Variants in SLC44A5 observed in about 807,000 individuals in gnomAD.
The protein encoded by SLC44A5 is solute carrier family 44 member 5.
Under a neutral mutation model 101.8 loss-of-function variants are expected in SLC44A5, and 57 were observed. The observed-to-expected ratio is 0.56, with a 90% confidence interval of 0.45 to 0.70. SLC44A5 has a LOEUF of 0.70. Among genes scored for constraint, SLC44A5 ranks in the 30% least tolerant of loss-of-function variants. The pLI is 0.00. For missense variants in SLC44A5, 737 were observed against 853.1 expected (o/e 0.86, Z 1.70); for synonymous variants, 281 against 290.9 (o/e 0.97, Z 0.35).
At chr1:75,641,780 T>G in the SLC44A5 span, 7 of 1,567,816 alleles carry the variant, frequency 4.5e-6, no homozygotes, top group Non-Finnish European at 6.1e-6. Flanking sequence ...TGGAAATCCT[T>G]TAGAGTGCAA....
chr1:75,696,729 A>C, the SLC44A5 span, among the ~76,000 whole-genome samples: 1 of 145,062 alleles, frequency 6.9e-6, no homozygotes, highest in Non-Finnish European at 1.5e-5. Context: ...CCCCGTCTCT[A>C]CTAAAAATTG....
At chr1:75,291,494 T>A (rs1198570553) in intron 5 of SLC44A5, among the ~76,000 whole-genome samples, 1 of 152,118 alleles carries the variant, frequency 6.6e-6, no homozygotes, top group African/African-American at 2.4e-5. Context: ...TTCTGACACG[T>A]GCTACAAAGG....
intron 3 of SLC44A5, among the ~76,000 whole-genome samples, 185 bp downstream of exon 3, chr1:75,396,398 A>G (rs1323903078): frequency 6.6e-6 from 1 of 152,176 alleles, no homozygotes; most frequent in Non-Finnish European, 1.5e-5. Context: ...CTCCAAAAAG[A>G]GGGAACCCTT....
At chr1:75,344,795 G>A (rs1337268513) in intron 3 of SLC44A5, among the ~76,000 whole-genome samples, 2 of 152,042 alleles carry the variant, frequency 1.3e-5, no homozygotes, top group Non-Finnish European at 2.9e-5. Flanking sequence ...ATCTAGAATC[G>A]TAAGATAATA....
chr1:75,476,585 C>A (rs1667418795), intron 2 of SLC44A5, among the ~76,000 whole-genome samples: 1 of 152,242 alleles, frequency 6.6e-6, no homozygotes, highest in Non-Finnish European at 1.5e-5. Context: ...AAAAACAGTG[C>A]ACCAGGAGAT....
intron 2 of SLC44A5, among the ~76,000 whole-genome samples, chr1:75,493,544 G>A (rs974079825): frequency 2.0e-5 from 3 of 152,046 alleles, no homozygotes; most frequent in African/African-American, 7.2e-5. Flanking sequence ...ACACTAATTA[G>A]ATTTTACAAT....
chr1:75,392,547 G>A (rs1475883055), intron 3 of SLC44A5, among the ~76,000 whole-genome samples: 1 of 152,184 alleles, frequency 6.6e-6, no homozygotes, highest in Non-Finnish European at 1.5e-5. Flanking sequence ...TCTTTATGCT[G>A]TTGGTAGGAA....
intron 1 of SLC44A5, among the ~76,000 whole-genome samples, chr1:75,549,124 GCT>G (rs902291901): frequency 7.5e-6 from 1 of 134,164 alleles, no homozygotes; most frequent in African/African-American, 2.7e-5. Flanking sequence ...TTTTACCTAA[GCT>G]CTGATTTTAT....
chr1:75,394,918 T>C (rs563338643), intron 3 of SLC44A5, among the ~76,000 whole-genome samples: 1 of 152,246 alleles, frequency 6.6e-6, no homozygotes, highest in African/African-American at 2.4e-5. Context: ...GCACTTTTAG[T>C]GGATGCAAAA....
chr1:75,529,595 C>T (rs973251123), intron 2 of SLC44A5, among the ~76,000 whole-genome samples: 3 of 152,108 alleles, frequency 2.0e-5, no homozygotes, highest in African/African-American at 4.8e-5. Context: ...GGCAGTCAGC[C>T]TCTTTCTATT....
chr1:75,459,213 A>G (rs1175580757), intron 2 of SLC44A5, among the ~76,000 whole-genome samples: 1 of 152,214 alleles, frequency 6.6e-6, no homozygotes, highest in African/African-American at 2.4e-5. Flanking sequence ...CTCTCCTCTA[A>G]TAGTCACTAT....
At chr1:75,409,271 GT>G (rs1663115096) in intron 2 of SLC44A5, among the ~76,000 whole-genome samples, 4 of 152,176 alleles carry the variant, frequency 2.6e-5, no homozygotes, top group Non-Finnish European at 5.9e-5. Context: ...CTATTGTTTA[GT>G]ACCCTGAATA....
In SLC44A5 at chr1:75,547,632, C is replaced by A. The variant is rs141269497; in HGVS notation, c.-69-6116G>T. 5.7e-3 allele frequency among the ~76,000 whole-genome samples: 870 copies of A among 152,288 alleles called. 15 individuals carry two copies. Among genetic ancestry groups the A allele is most frequent in the Admixed American group, 0.035 (534 of 15,290 alleles). On this transcript the variant is annotated intron_variant, in intron 1 of 23. Transcript: ENST00000370859. The stretch of plus-strand genomic sequence containing the variant: ...TCTTTGTTGGACCAAAGAACAATAA[C>A]ATCTACTTATCATGAGAATGTTTTT...
intron 2 of SLC44A5, among the ~76,000 whole-genome samples, chr1:75,478,703 T>A (rs2101761630): frequency 6.6e-6 from 1 of 152,310 alleles, no homozygotes; most frequent in South Asian, 2.1e-4. Flanking sequence ...AAGAGCTAAC[T>A]ATCCTAAATA....
At chr1:75,284,649 CATAAATG>C (rs1406736482) in intron 5 of SLC44A5, among the ~76,000 whole-genome samples, 1 of 152,066 alleles carries the variant, frequency 6.6e-6, no homozygotes, top group East Asian at 1.9e-4. Flanking sequence ...GTGCGTTTTT[CATAAATG>C]GCTTTTATTA....
intron 2 of SLC44A5, among the ~76,000 whole-genome samples, chr1:75,493,745 A>G (rs1205007668): frequency 6.6e-6 from 1 of 152,244 alleles, no homozygotes; most frequent in African/African-American, 2.4e-5. Flanking sequence ...TGTCAGCAAG[A>G]TGACAGAATA....
At chr1:75,391,274 C>A (rs1019866547) in intron 3 of SLC44A5, among the ~76,000 whole-genome samples, 2 of 152,154 alleles carry the variant, frequency 1.3e-5, no homozygotes, top group Non-Finnish European at 2.9e-5. Context: ...AATGGCCATA[C>A]TGCCCAAAGC....
chr1:75,489,345 C>T (rs1422415186), intron 2 of SLC44A5, among the ~76,000 whole-genome samples: 2 of 152,174 alleles, frequency 1.3e-5, no homozygotes, highest in Non-Finnish European at 2.9e-5. Context: ...TCTTGCTTCA[C>T]TAACAAAAGT....
At chr1:75,323,950 T>C (rs1439466485) in intron 4 of SLC44A5, among the ~76,000 whole-genome samples, 3 of 152,216 alleles carry the variant, frequency 2.0e-5, no homozygotes, top group Non-Finnish European at 4.4e-5. Flanking sequence ...TAAAATTTAC[T>C]GATGTTTTTC....
Sources: allele counts gnomAD v4.1 joint callset (sites outside exome capture counted in the v4.1 genomes callset), GRCh38; gene constraint gnomAD v4.1.1; transcripts MANE v1.5; gene names NCBI Gene and HGNC (gene_info 2026-07-23, HGNC 2026-07-21).